TRIP12: variants seen among roughly 807,000 people sequenced by gnomAD.
TRIP12 encodes thyroid hormone receptor interactor 12, also known as E3 ubiquitin-protein ligase TRIP12.
Under a neutral mutation model 244.2 loss-of-function variants are expected in TRIP12, and 25 were observed. The observed-to-expected ratio is 0.10, with a 90% CI of 0.07 to 0.14. TRIP12 has a LOEUF of 0.14. Among genes scored for constraint, TRIP12 ranks in the 10% least tolerant of loss-of-function variants. The pLI, the probability that TRIP12 is intolerant of heterozygous loss-of-function variation, is 1.00. For missense variants in TRIP12, 1,677 were observed against 2,486.4 expected (o/e 0.67, Z 6.92); for synonymous variants, 905 against 873.1 (o/e 1.04, Z -0.64).
At chr2:229,896,861 T>C (rs902785979) in intron 1 of TRIP12, among the ~76,000 whole-genome samples, 60 of 152,174 alleles carry the variant, frequency 3.9e-4, no homozygotes, top group African/African-American at 1.4e-3. Context: ...TAATAAAAAC[T>C]TTTAGGGTGG....
chr2:229,874,325 A>G (rs2063217759), intron 2 of TRIP12, among the ~76,000 whole-genome samples: 1 of 152,202 alleles, frequency 6.6e-6, no homozygotes, highest in Non-Finnish European at 1.5e-5. Context: ...GAGGACTCTC[A>G]TGAAGTATTA....
intron 4 of TRIP12, among the ~76,000 whole-genome samples, chr2:229,857,592 C>T (rs1229967643): frequency 6.6e-6 from 1 of 151,610 alleles, no homozygotes; most frequent in African/African-American, 2.4e-5. Flanking sequence ...GATCGTACCA[C>T]TCACACCACT....
intron 2 of TRIP12, among the ~76,000 whole-genome samples, chr2:229,871,919 G>C (rs2062672781): frequency 6.6e-6 from 1 of 151,820 alleles, no homozygotes; most frequent in Non-Finnish European, 1.5e-5. Flanking sequence ...ACTAGTACTA[G>C]AGAAGTACTA....
chr2:229,853,166 T>C (rs1353459695), intron 4 of TRIP12, among the ~76,000 whole-genome samples: 2 of 152,180 alleles, frequency 1.3e-5, no homozygotes, highest in Non-Finnish European at 2.9e-5. Flanking sequence ...TTCAAATAGG[T>C]TCAATTCTTA....
chr2:229,871,399 G>A (rs981966770), intron 2 of TRIP12, among the ~76,000 whole-genome samples: 1 of 152,180 alleles, frequency 6.6e-6, no homozygotes, highest in Admixed American at 6.5e-5. Context: ...GGAGGTGTTT[G>A]AATCACTGGG....
At chr2:229,814,948 T>C (rs1283867440) in intron 11 of TRIP12, 151 bp downstream of exon 11, 6 of 587,412 alleles carry the variant, frequency 1.0e-5, no homozygotes, top group Non-Finnish European at 1.8e-5. Flanking sequence ...CAATGATTTA[T>C]CTTCACCTTC....
chr2:229,915,248 A>G (rs2075157263), intron 1 of TRIP12, among the ~76,000 whole-genome samples: 1 of 152,076 alleles, frequency 6.6e-6, no homozygotes, highest in African/African-American at 2.4e-5. Context: ...GCGAAACTCA[A>G]TCTCAAAAAA....
intron 25 of TRIP12, among the ~76,000 whole-genome samples, chr2:229,795,949 A>G (rs2042710559): frequency 6.6e-6 from 1 of 152,348 alleles, no homozygotes; most frequent in South Asian, 2.1e-4. Context: ...GTGTTAATAC[A>G]TAGGAGAGCT....
rs60111350 is a variant in TRIP12 at position 229,916,860 on chromosome 2, T to TAA, written c.-50+5018_-50+5019dup. ...GACATTAGCAGAGTTAAATTTTACT[T>TAA]AAAAAAAAAAAAAGAAAAATCAAGG... On this transcript the variant is annotated intron_variant, in intron 1 of 41. Coordinates refer to ENST00000675903, the MANE Select transcript of TRIP12 (RefSeq NM_001348323.3). Among the ~76,000 whole-genome samples, 326 of 145,384 alleles carry TAA rather than the reference T, an allele frequency of 2.2e-3. 2 individuals carry two copies. The highest frequency in any genetic ancestry group is 7.4e-3 in the East Asian group (37 of 5,016).
intron 2 of TRIP12, among the ~76,000 whole-genome samples, chr2:229,876,726 C>G (rs1023318846): frequency 6.6e-6 from 1 of 152,190 alleles, no homozygotes; most frequent in African/African-American, 2.4e-5. Flanking sequence ...CTGGCGTGCC[C>G]AGTCATAGTT....
chr2:229,904,693 A>G (rs1380578180), intron 1 of TRIP12, among the ~76,000 whole-genome samples: 1 of 152,184 alleles, frequency 6.6e-6, no homozygotes, highest in Non-Finnish European at 1.5e-5. Context: ...CAATTGCTCT[A>G]TACTTTATAA....
In TRIP12 at chr2:229,897,529, T is replaced by A. The variant is rs1450438140; in HGVS notation, c.-49-17401A>T. 8.5e-5 allele frequency among the ~76,000 whole-genome samples: 13 copies of A among 152,266 alleles called. No homozygotes were observed. The East Asian group carries it at 2.5e-3, about 29-fold the overall frequency. On this transcript the variant is annotated intron_variant, in intron 1 of 41. Transcript: ENST00000675903. ...CAGGTGTGGTGGCATGCGCCTGTAA[T>A]CCCAGTTACACCGGAGGCTGAGGCA...
intron 34 of TRIP12, among the ~76,000 whole-genome samples, chr2:229,785,494 G>T (rs916004266): frequency 6.6e-6 from 1 of 152,320 alleles, no homozygotes; most frequent in East Asian, 1.9e-4. Flanking sequence ...CATTTTGAAA[G>T]TTATCAGCTG....
Position 229,847,948 on chromosome 2 carries a change from C to T in TRIP12, c.1028-7021G>A, listed in dbSNP as rs547743914. On this transcript the variant is annotated intron_variant, in intron 4 of 41. Transcript: ENST00000675903. The stretch of plus-strand genomic sequence containing the variant: ...GGGAGAGAAGGGAATCGAGTACAGA[C>T]ATACTGTCTGACAATATACATTATC... 2.0e-5 allele frequency among the ~76,000 whole-genome samples: 3 copies of T among 152,300 alleles called. No individual in the cohort carries two copies. In the East Asian group the frequency reaches 5.8e-4, roughly 29 times the overall value.
chr2:229,823,834 T>A (rs564261426), intron 8 of TRIP12, among the ~76,000 whole-genome samples: 2 of 152,034 alleles, frequency 1.3e-5, no homozygotes, highest in African/African-American at 4.8e-5. Context: ...AATTCATTCA[T>A]AAATTAATAA....
intron 34 of TRIP12, among the ~76,000 whole-genome samples, chr2:229,782,085 A>G (rs757648884): frequency 6.6e-6 from 1 of 152,218 alleles, no homozygotes; most frequent in Non-Finnish European, 1.5e-5. Context: ...TATGCTGAAG[A>G]AAGTGGAATG....
At position 229,797,741 on chromosome 2, in the gene TRIP12, T is replaced by C. The variant is rs751542443; in HGVS notation, c.3573A>G (p.Ala1191=). 28 of 1,613,964 alleles carry C rather than the reference T, an allele frequency of 1.7e-5. No individual in the cohort carries two copies. Among genetic ancestry groups the C allele is most frequent in the Non-Finnish European group, 2.4e-5 (28 of 1,179,970 alleles). Residue 1191 remains alanine (A), a synonymous_variant, in exon 24 of 42, where the codon GCA becomes GCG. Coordinates refer to ENST00000675903, the MANE Select transcript of TRIP12 (RefSeq NM_001348323.3). The part of the protein sequence containing the change: ...SSENMDGSNP[A]LNVLQRLCAA... ...CACAAAGTCTCTGAAGGACATTCAA[T>C]GCAGGGTTGCTTCCATCCATATTCT...
At chr2:229,917,855 C>T (rs1221013599) in intron 1 of TRIP12, among the ~76,000 whole-genome samples, 1 of 152,134 alleles carries the variant, frequency 6.6e-6, no homozygotes, top group Non-Finnish European at 1.5e-5. Flanking sequence ...CCATGCCCAG[C>T]TAACTTTTTT....
At chr2:229,864,047 A>AGAGAGTGAGT in intron 2 of TRIP12, among the ~76,000 whole-genome samples, 9 of 79,288 alleles carry the variant, frequency 1.1e-4, no homozygotes, top group South Asian at 5.1e-4. Context: ...AGAGAGAGAG[A>AGAGAGTGAGT]GTGTGTGTGT....
Sources: allele counts gnomAD v4.1 joint callset (sites outside exome capture counted in the v4.1 genomes callset), GRCh38; gene constraint gnomAD v4.1.1; transcripts MANE v1.5; gene names NCBI Gene and HGNC (gene_info 2026-07-23, HGNC 2026-07-21).